The following RORA variants were observed in gnomAD, a reference collection of about 807,000 sequenced individuals.
RORA encodes the protein RAR related orphan receptor A.
RORA carries 7 observed loss-of-function variants against 69.5 expected under a neutral mutation model. The ratio of observed to expected loss-of-function variants is 0.10; its 90% confidence interval spans 0.06 to 0.19. The LOEUF (loss-of-function observed/expected upper bound fraction) is 0.19, where lower values mean the gene tolerates loss of function less well. RORA is among the 10% of genes least tolerant of loss of function. The probability of loss-of-function intolerance (pLI) is 1.00; values close to 1 mark genes in which losing one functional copy is unlikely to be tolerated. For synonymous variants in RORA, 261 were observed against 240.8 expected, an observed-to-expected ratio of 1.08 and a Z score of -0.78; for missense variants, 457 against 663.0, an observed-to-expected ratio of 0.69 and a Z score of 3.41.
intron 1 of RORA, among the ~76,000 whole-genome samples, chr15:60,883,958 C>A (rs2073720921): frequency 6.6e-6 from 1 of 152,184 alleles, no homozygotes; most frequent in Non-Finnish European, 1.5e-5. Context: ...TCTCTTCCAG[C>A]ATTCTTCTCT....
chr15:60,911,578 G>A (rs994094448), intron 1 of RORA, among the ~76,000 whole-genome samples: 1 of 152,008 alleles, frequency 6.6e-6, no homozygotes, highest in Non-Finnish European at 1.5e-5. Flanking sequence ...ATGAAAGACA[G>A]GTTTAAAGTG....
rs1567011235 is a variant in RORA, at chr15:61,147,764, C to G, written c.166+81289G>C. On this transcript the variant is annotated intron_variant, in intron 1 of 10. Transcript: ENST00000335670. The surrounding 1 kb of genome is among the most constrained non-coding windows in gnomAD (Gnocchi z 4.1). Reference sequence around the variant, plus strand: ...GATGGTCAGTAGGCACGTGCGCACACGCGTGTGTGTGTGTGTGTGTGTGTG... The same window carrying G: ...GATGGTCAGTAGGCACGTGCGCACAGGCGTGTGTGTGTGTGTGTGTGTGTG... 8.9e-5 allele frequency among the ~76,000 whole-genome samples: 3 copies of G among 33,584 alleles called. No individual in the cohort carries two copies. The highest frequency in any genetic ancestry group is 1.3e-3 in the South Asian group (2 of 1,564). 22.0% of individuals were successfully genotyped at this position (33,584 alleles called of 152,430 possible).
Position 61,119,083 on chromosome 15 carries a change from G to GA in RORA, c.166+109969_166+109970insT, listed in dbSNP as rs33919439. On this transcript the variant is annotated intron_variant, in intron 1 of 10. Transcript: ENST00000335670. Reference sequence around the variant, plus strand: ...GTCGGGAAGATGCAGTTAACAGAAGGGGGGGGGGGGCGCCATGGAGCAGTC... The same window carrying GA: ...GTCGGGAAGATGCAGTTAACAGAAGGAGGGGGGGGGGCGCCATGGAGCAGTC... Among the ~76,000 whole-genome samples the GA allele has an allele frequency of 0.014, 1,241 of 90,636 alleles. 48 individuals carry two copies. The East Asian group carries it at 0.15, about 11-fold the overall frequency. 59.5% of individuals were successfully genotyped at this position (90,636 alleles called of 152,430 possible). A position where few individuals can be genotyped will look rare whatever the true frequency, so the allele number is the denominator to read the frequency against.
At chr15:60,953,746 C>T (rs995141603) in intron 1 of RORA, among the ~76,000 whole-genome samples, 38 of 151,856 alleles carry the variant, frequency 2.5e-4, no homozygotes, top group African/African-American at 9.0e-4. Flanking sequence ...TATGAGATAC[C>T]ATCTCACACC....
At chr15:61,000,100 G>A (rs966897261) in intron 1 of RORA, among the ~76,000 whole-genome samples, 29 of 152,058 alleles carry the variant, frequency 1.9e-4, no homozygotes, top group African/African-American at 5.3e-4. Flanking sequence ...AGTTACAATC[G>A]TTTAACAGAT....
At chr15:60,953,685 G>T (rs1389992473) in intron 1 of RORA, among the ~76,000 whole-genome samples, 1 of 149,820 alleles carries the variant, frequency 6.7e-6, no homozygotes, top group African/African-American at 2.5e-5. Flanking sequence ...AAAAACACAT[G>T]AAAAAATGCT....
intron 2 of RORA, among the ~76,000 whole-genome samples, chr15:60,597,993 T>C (rs2068734583): frequency 6.6e-6 from 1 of 152,026 alleles, no homozygotes; most frequent in African/African-American, 2.4e-5. Flanking sequence ...TTAGATGAAG[T>C]TGGGCTCAAA....
At chr15:60,943,299 T>A (rs1892755715) in intron 1 of RORA, among the ~76,000 whole-genome samples, 1 of 143,062 alleles carries the variant, frequency 7.0e-6, no homozygotes, top group African/African-American at 2.5e-5. Flanking sequence ...CTCACATGTC[T>A]TTCTTAATTT....
At chr15:60,627,406 A>G in intron 2 of RORA, 2 of 1,613,630 alleles carry the variant, frequency 1.2e-6, no homozygotes, top group Non-Finnish European at 1.7e-6. Context: ...TGCCTCCAGA[A>G]ACTGGGGCTG....
intron 1 of RORA, among the ~76,000 whole-genome samples, chr15:61,218,253 C>T (rs1054846476): frequency 3.3e-5 from 5 of 151,352 alleles, no homozygotes; most frequent in African/African-American, 7.3e-5. Context: ...TTGTGGATCA[C>T]GGTATTAATG....
At chr15:60,730,839 A>C (rs376671343) in intron 1 of RORA, among the ~76,000 whole-genome samples, 6 of 151,142 alleles carry the variant, frequency 4.0e-5, no homozygotes, top group African/African-American at 1.5e-4. Context: ...TCAGTGAGCT[A>C]TTCATATAGG....
intron 2 of RORA, chr15:60,650,849 C>T (rs912686576): frequency 5.3e-5 from 8 of 152,122 alleles, no homozygotes; most frequent in African/African-American, 1.4e-4. Flanking sequence ...GCCATTTATC[C>T]TCATAACCAT....
Position 60,972,656 on chromosome 15 carries a change from T to C in RORA, c.166+256397A>G, listed in dbSNP as rs1361261233. On this transcript the variant is annotated intron_variant, in intron 1 of 10. Transcript: ENST00000335670. ...TCGTGGTGTTTAGTCTGGATTTAAA[T>C]GCTGCTCCAATGCTTACTGGCTGTG... Among the ~76,000 whole-genome samples, 4 of 152,342 alleles carry C rather than the reference T, an allele frequency of 2.6e-5. No homozygotes were observed. In the East Asian group the frequency reaches 7.7e-4, roughly 29 times the overall value.
chr15:60,808,715 TA>T (rs1194177248), intron 1 of RORA, among the ~76,000 whole-genome samples: 6 of 149,180 alleles, frequency 4.0e-5, no homozygotes, highest in South Asian at 2.1e-4. Flanking sequence ...TTATAATATA[TA>T]AAACATAATT....
At chr15:60,846,236 G>A (rs751651028) in intron 1 of RORA, among the ~76,000 whole-genome samples, 1 of 152,168 alleles carries the variant, frequency 6.6e-6, no homozygotes, top group Non-Finnish European at 1.5e-5. Context: ...AGGTCTACTC[G>A]CTTCCAGGTC....
intron 1 of RORA, among the ~76,000 whole-genome samples, chr15:60,759,502 G>A (rs939036917): frequency 3.9e-5 from 6 of 152,158 alleles, no homozygotes; most frequent in Non-Finnish European, 8.8e-5. Flanking sequence ...TCCCACAAGA[G>A]AATAATGAGG....
chr15:60,961,286 C>T (rs968299818), intron 1 of RORA, among the ~76,000 whole-genome samples: 3 of 152,132 alleles, frequency 2.0e-5, no homozygotes, highest in Admixed American at 6.5e-5. Flanking sequence ...TGCTACAATG[C>T]CCTGCATGAT....
At chr15:60,733,716 C>A (rs547264864) in intron 1 of RORA, among the ~76,000 whole-genome samples, 136 of 152,098 alleles carry the variant, frequency 8.9e-4, no homozygotes, top group African/African-American at 3.2e-3. Context: ...TTTACAAATC[C>A]ATCAGAAGGA....
intron 1 of RORA, among the ~76,000 whole-genome samples, chr15:60,774,213 C>T (rs894403809): frequency 3.3e-5 from 5 of 152,218 alleles, no homozygotes; most frequent in Admixed American, 3.3e-4. Context: ...ATCATGTTAT[C>T]GCTCTGAATG....
Sources: gnomAD v4.1 joint callset for allele counts (sites outside exome capture counted in the v4.1 genomes callset) on GRCh38, gnomAD v4.1.1 for gene constraint, Gnocchi (gnomAD v3.1) non-coding constraint, MANE v1.5 for transcripts, NCBI Gene and HGNC (gene_info 2026-07-23, HGNC 2026-07-21) for gene names.